USP7: variants seen among roughly 807,000 people sequenced by gnomAD.
The protein encoded by USP7 is ubiquitin C-terminal hydrolase 7.
USP7 carries 9 observed loss-of-function variants against 162.9 expected under a neutral mutation model. The observed-to-expected ratio is 0.06, with a 90% confidence interval of 0.03 to 0.10. The LOEUF (loss-of-function observed/expected upper bound fraction) is 0.10, where lower values mean the gene tolerates loss of function less well. USP7 is among the 10% of genes least tolerant of loss of function. The pLI is 1.00. For missense variants in USP7, 715 were observed against 1,373.7 expected (o/e 0.52, Z 7.58); for synonymous variants, 562 against 475.9 (o/e 1.18, Z -2.35).
At chr16:8,910,892 G>T (rs1293535099) in intron 10 of USP7, 65 bp from the exon 11 acceptor site, 1 of 1,328,488 alleles carries the variant, frequency 7.5e-7, no homozygotes, top group South Asian at 1.2e-5. Context: ...CAACACAGGT[G>T]TAAGTTATTT....
Position 8,923,396 on chromosome 16 carries a change from C to G in USP7, c.202G>C (p.Glu68Gln). 6.2e-7 allele frequency: 1 copy of G among 1,614,150 alleles called. No individual in the cohort carries two copies. The highest frequency in any genetic ancestry group is 8.5e-7 in the Non-Finnish European group (1 of 1,180,026). ...DMEDDTSWRS[E>Q]ATFQFTVERF... ...TCCACAGTGAACTGAAAGGTTGCCT[C>G]GGAGCGCCAACTGGTGTCTGCAAAA... is the stretch of plus-strand genomic sequence containing the variant. Residue 68 changes from glutamate (E) to glutamine (Q), a missense_variant, in exon 3 of 31, where the codon GAG becomes CAG. Glu to Gln is a conservative substitution (Grantham distance 29, BLOSUM62 2). This residue lies in a region of USP7 where 137 missense variants were observed against 123.5 expected (regional missense o/e 1.11). Transcript: ENST00000344836.
chr16:8,941,604 C>T (rs1171844798), intron 1 of USP7, among the ~76,000 whole-genome samples: 6 of 152,196 alleles, frequency 3.9e-5, no homozygotes, highest in Non-Finnish European at 5.9e-5. Flanking sequence ...AGTTAGTCTG[C>T]CAATTCGCTT....
intron 1 of USP7, among the ~76,000 whole-genome samples, chr16:8,959,516 C>CT (rs1246643843): frequency 6.6e-6 from 1 of 152,198 alleles, no homozygotes; most frequent in Non-Finnish European, 1.5e-5. Context: ...GTGCTCACAT[C>CT]AGAGTGAGAT....
At chr16:8,957,250 C>G (rs967320420) in intron 1 of USP7, among the ~76,000 whole-genome samples, 1 of 152,234 alleles carries the variant, frequency 6.6e-6, no homozygotes, top group African/African-American at 2.4e-5. Context: ...ACGCATGACA[C>G]TTAAAACCCT....
chr16:8,941,511 C>T (rs974043960), intron 1 of USP7, among the ~76,000 whole-genome samples: 8 of 152,224 alleles, frequency 5.3e-5, no homozygotes, highest in Non-Finnish European at 8.8e-5. Flanking sequence ...GCAGGTCAAC[C>T]GACATGTCCA....
intron 18 of USP7, chr16:8,901,857 G>A (rs916231552): frequency 5.3e-6 from 3 of 564,248 alleles, no homozygotes; most frequent in Non-Finnish European, 6.3e-6. Context: ...ACTGAAGACA[G>A]AACAGGACGG....
chr16:8,929,597 A>T, intron 2 of USP7: 1 of 456,042 alleles, frequency 2.2e-6, no homozygotes. Flanking sequence ...TTGACAGAAC[A>T]TGGTTTCATA....
At chr16:8,909,393 T>G (rs1677491) in intron 11 of USP7, among the ~76,000 whole-genome samples, 44,549 of 151,928 alleles carry the variant, frequency 0.29, 6,538 homozygotes, top group South Asian at 0.34. Flanking sequence ...ATCAGCTCAT[T>G]TAAGAGGACA....
At chr16:8,904,324 C>T in intron 15 of USP7, 111 bp downstream of exon 15, 1 of 1,532,714 alleles carries the variant, frequency 6.5e-7, no homozygotes, top group Non-Finnish European at 8.8e-7. Context: ...GGATGCCCTG[C>T]TGCATGGTGA....
Position 8,900,420 on chromosome 16 carries a change from C to G in USP7, c.2309+110G>C, listed in dbSNP as rs373443625. On this transcript the variant is annotated intron_variant, in intron 21 of 30. Transcript: ENST00000344836. ...CTCTCAACAGTTACATTAAAAAAAA[C>G]AAAAACAAAAACGTGGCTCGGGATC... 21 of 748,208 alleles carry G rather than the reference C, an allele frequency of 2.8e-5. No homozygotes were observed. The African/African-American group carries it at 3.9e-4, about 14-fold the overall frequency. 46.3% of individuals were successfully genotyped at this position (748,208 alleles called of 1,614,324 possible).
At chr16:8,914,757 CAA>C (rs113813738) in intron 10 of USP7, among the ~76,000 whole-genome samples, 2 of 144,916 alleles carry the variant, frequency 1.4e-5, no homozygotes, top group African/African-American at 5.1e-5. Context: ...ATCTCTTAAC[CAA>C]AAAAAAAAAA....
chr16:8,948,926 G>T lies in USP7; in HGVS notation c.79+14281C>A, dbSNP rs561958968. Among the ~76,000 whole-genome samples the T allele has an allele frequency of 6.0e-4, 91 of 152,040 alleles. 1 individual carries two copies. The South Asian group carries it at 6.4e-3, about 11-fold the overall frequency. ...CTGCAATGAGCTATGATCAAACCAC[G>T]GCACTCCAGCCTGGGTGACAAGATC... On this transcript the variant is annotated intron_variant, in intron 1 of 30. Transcript: ENST00000344836.
At chr16:8,945,801 A>T (rs1312742738) in intron 1 of USP7, among the ~76,000 whole-genome samples, 1 of 152,108 alleles carries the variant, frequency 6.6e-6, no homozygotes, top group South Asian at 2.1e-4. Context: ...CTATAATCCC[A>T]GCACTTTAGG....
At chr16:8,894,728 T>A in intron 29 of USP7, 56 bp downstream of exon 29, 1 of 1,613,168 alleles carries the variant, frequency 6.2e-7, no homozygotes, top group Non-Finnish European at 8.5e-7. Flanking sequence ...GCCGCTACGC[T>A]AGGCAAGGCT....
chr16:8,908,379 A>G lies in USP7; in HGVS notation c.1233T>C (p.Tyr411=), dbSNP rs2061892925. The G allele has an allele frequency of 4.3e-6, 7 of 1,613,976 alleles. No homozygotes were observed. The South Asian group carries it at 5.5e-5, about 13-fold the overall frequency. ...VLHLQLMRFM[Y]DPQTDQNIKI... Reference sequence around the variant, plus strand: ...TGATATTTTGGTCCGTCTGAGGGTCATACATAAATCTCATCAGTTGTAGAT... The same window carrying G: ...TGATATTTTGGTCCGTCTGAGGGTCGTACATAAATCTCATCAGTTGTAGAT... Residue 411 remains tyrosine, a synonymous_variant, in exon 12 of 31, where the codon TAT becomes TAC. Transcript: ENST00000344836.
chr16:8,960,194 C>T (rs868142825), intron 1 of USP7, among the ~76,000 whole-genome samples: 28 of 152,334 alleles, frequency 1.8e-4, no homozygotes, highest in African/African-American at 6.7e-4. Context: ...CATGCCACCA[C>T]CTCCACAGCT....
intron 1 of USP7, among the ~76,000 whole-genome samples, chr16:8,962,220 T>C (rs1900041675): frequency 1.3e-5 from 2 of 152,210 alleles, no homozygotes; most frequent in Non-Finnish European, 1.5e-5. Context: ...GCCGTTTTCA[T>C]TCAGGTGGCC....
chr16:8,910,709 C>T, intron 11 of USP7, 36 bp downstream of exon 11: 1 of 1,576,138 alleles, frequency 6.3e-7, no homozygotes. Flanking sequence ...AAGAAGAACG[C>T]TACAACAGGA....
At chr16:8,919,899 C>G (rs1369306207) in intron 5 of USP7, among the ~76,000 whole-genome samples, 1 of 152,180 alleles carries the variant, frequency 6.6e-6, no homozygotes. Context: ...TGGAAACACT[C>G]AAATACACCT....
Sources: gnomAD v4.1 joint callset for allele counts (sites outside exome capture counted in the v4.1 genomes callset) on GRCh38, gnomAD v4.1.1 for gene constraint, gnomAD v4.1.1 regional missense constraint, MANE v1.5 for transcripts, NCBI Gene and HGNC (gene_info 2026-07-23, HGNC 2026-07-21) for gene names.